Variants in HDAC9 observed in about 807,000 individuals in gnomAD.
HDAC9 encodes histone deacetylase 9, also known as MEF-2 interacting transcription repressor (MITR) protein.
HDAC9 carries 41 observed loss-of-function variants against 139.4 expected under a neutral mutation model. The ratio of observed to expected loss-of-function variants is 0.29; its 90% CI spans 0.23 to 0.38. The LOEUF (loss-of-function observed/expected upper bound fraction) is 0.38, where lower values mean the gene tolerates loss of function less well. Among genes scored for constraint, HDAC9 ranks in the 10% least tolerant of loss-of-function variants. HDAC9 has a pLI of 1.00. For synonymous variants in HDAC9, 517 were observed against 476.2 expected, an observed-to-expected ratio of 1.09 and a Z score of -1.12; for missense variants, 1,147 against 1,297.0, an observed-to-expected ratio of 0.88 and a Z score of 1.78.
rs1047461918 is a variant in HDAC9 at position 18,996,047 on chromosome 7, G to A, written c.3195G>A (p.Glu1065=). ...DSRTAGEPME[E]EPAL ...GAACTGCTGGTGAGCCTATGGAAGA[G>A]GAGCCAGCCTTGTGAAGTGCCAAGT... is the stretch of plus-strand genomic sequence containing the variant. The change falls in exon 26 of 26, where the codon GAG becomes GAA. Residue 1065 remains glutamate (E), a synonymous_variant. Transcript: ENST00000686413. 4 of 1,605,818 alleles carry A rather than the reference G, an allele frequency of 2.5e-6. No individual in the cohort carries two copies. The highest frequency in any genetic ancestry group is 4.5e-5 in the East Asian group (2 of 44,674).
intron 21 of HDAC9, among the ~76,000 whole-genome samples, chr7:18,844,108 T>G (rs887298992): frequency 6.6e-6 from 1 of 152,212 alleles, no homozygotes; most frequent in Non-Finnish European, 1.5e-5. Flanking sequence ...TCTGTTTTCG[T>G]TTAGGCAGAA....
chr7:18,694,049 T>C (rs1459613575), intron 12 of HDAC9, among the ~76,000 whole-genome samples: 1 of 152,178 alleles, frequency 6.6e-6, no homozygotes, highest in African/African-American at 2.4e-5. Context: ...AGTAATAAAT[T>C]ATAGTTTTCA....
chr7:18,761,669 A>G (rs1380608958), intron 14 of HDAC9, among the ~76,000 whole-genome samples: 5 of 152,192 alleles, frequency 3.3e-5, no homozygotes, highest in Non-Finnish European at 7.3e-5. Context: ...AACTAATACT[A>G]CTGTGAGGTG....
At chr7:18,835,133 G>A (rs1242814800) in intron 19 of HDAC9, among the ~76,000 whole-genome samples, 1 of 152,110 alleles carries the variant, frequency 6.6e-6, no homozygotes, top group African/African-American at 2.4e-5. Context: ...AGAGTACAAA[G>A]AGCCGGTGTA....
intron 15 of HDAC9, among the ~76,000 whole-genome samples, chr7:18,765,618 C>T (rs1479590981): frequency 5.3e-5 from 8 of 152,052 alleles, no homozygotes; most frequent in Non-Finnish European, 1.0e-4. Flanking sequence ...AAAAAATTAA[C>T]TTACTATGTT....
At chr7:18,120,802 C>T (rs1784320904) in intron 1 of HDAC9, among the ~76,000 whole-genome samples, 1 of 152,152 alleles carries the variant, frequency 6.6e-6, no homozygotes, top group South Asian at 2.1e-4. Flanking sequence ...GTTTTTGCTT[C>T]TCTTTGTATC....
At chr7:18,399,544 A>G (rs192886838) in intron 1 of HDAC9, among the ~76,000 whole-genome samples, 1 of 152,178 alleles carries the variant, frequency 6.6e-6, no homozygotes, top group Non-Finnish European at 1.5e-5. Context: ...AGGGAATCTC[A>G]TAGTAATAGG....
chr7:18,659,147 A>G (rs1416525217), intron 11 of HDAC9, among the ~76,000 whole-genome samples: 1 of 152,162 alleles, frequency 6.6e-6, no homozygotes, highest in Non-Finnish European at 1.5e-5. Flanking sequence ...TTGTATCTGA[A>G]GATATTTGTT....
chr7:18,745,740 GT>G (rs1562907111), intron 13 of HDAC9, among the ~76,000 whole-genome samples: 1 of 151,242 alleles, frequency 6.6e-6, no homozygotes, highest in African/African-American at 2.4e-5. Flanking sequence ...TAGAGACGGG[GT>G]TTCACCTTGT....
At chr7:18,565,813 A>C (rs1822143279) in intron 2 of HDAC9, among the ~76,000 whole-genome samples, 1 of 152,164 alleles carries the variant, frequency 6.6e-6, no homozygotes, top group African/African-American at 2.4e-5. Flanking sequence ...GAAAGAAAGA[A>C]AGAAAAGTAT....
chr7:18,679,227 G>A (rs1584823143), intron 12 of HDAC9, among the ~76,000 whole-genome samples: 1 of 151,920 alleles, frequency 6.6e-6, no homozygotes, highest in East Asian at 1.9e-4. Context: ...GAATTTCTTG[G>A]ATTTTGGTAC....
chr7:18,381,730 T>G (rs184046507), intron 1 of HDAC9, among the ~76,000 whole-genome samples: 1 of 152,100 alleles, frequency 6.6e-6, no homozygotes, highest in Non-Finnish European at 1.5e-5. Flanking sequence ...TAGAGACAAC[T>G]TTAACAGAGT....
intron 3 of HDAC9, among the ~76,000 whole-genome samples, chr7:18,588,530 TCAAA>T (rs1451202926): frequency 1.3e-5 from 2 of 152,200 alleles, no homozygotes; most frequent in African/African-American, 2.4e-5. Flanking sequence ...GTTTTGTGCT[TCAAA>T]CAAAGTTTGG....
At chr7:18,233,901 G>A (rs1030407302) in intron 2 of HDAC9, among the ~76,000 whole-genome samples, 10 of 152,202 alleles carry the variant, frequency 6.6e-5, no homozygotes, top group Middle Eastern at 3.4e-3. Flanking sequence ...AGGAAACTTG[G>A]CAAATAGGTA....
rs143930911 is a variant in HDAC9 at position 18,410,922 on chromosome 7, T to C, written c.-41-85340T>C. ...GTTGTGAGAAGCAAGCTCAATGTTA[T>C]AGGAAAGAAGTAAAAAAAATAGCCT... On this transcript the variant is annotated intron_variant, in intron 1 of 3. Coordinates refer to the HDAC9 transcript ENST00000413509. Among the ~76,000 whole-genome samples, 190 of 152,346 alleles carry C rather than the reference T, an allele frequency of 1.2e-3. 2 individuals carry two copies. The highest frequency in any genetic ancestry group is 4.3e-3 in the African/African-American group (180 of 41,582).
chr7:18,331,724 G>C (rs562243820), intron 1 of HDAC9, among the ~76,000 whole-genome samples: 4 of 151,548 alleles, frequency 2.6e-5, no homozygotes, highest in African/African-American at 9.7e-5. Context: ...TACCTTATTC[G>C]AGGTGATGAA....
chr7:18,830,801 C>A (rs912840356), intron 19 of HDAC9, among the ~76,000 whole-genome samples: 1 of 152,156 alleles, frequency 6.6e-6, no homozygotes, highest in Non-Finnish European at 1.5e-5. Flanking sequence ...AGGCATAGCT[C>A]ACCGTTAAAG....
chr7:18,805,324 C>G (rs529197565), intron 17 of HDAC9, among the ~76,000 whole-genome samples: 1 of 152,086 alleles, frequency 6.6e-6, no homozygotes, highest in Non-Finnish European at 1.5e-5. Flanking sequence ...TGGGGTAGGA[C>G]GTTCACTAGA....
intron 17 of HDAC9, among the ~76,000 whole-genome samples, chr7:18,812,292 C>T (rs1007117387): frequency 5.9e-5 from 9 of 151,944 alleles, no homozygotes; most frequent in African/African-American, 1.4e-4. Flanking sequence ...TCATTTGAGT[C>T]GATCCAGGTT....
Sources: allele counts gnomAD v4.1 joint callset (sites outside exome capture counted in the v4.1 genomes callset), GRCh38; gene constraint gnomAD v4.1.1; transcripts MANE v1.5; gene names NCBI Gene and HGNC (gene_info 2026-07-23, HGNC 2026-07-21).